KDELR2: variants seen among roughly 807,000 people sequenced by gnomAD.
The protein encoded by KDELR2 is KDEL endoplasmic reticulum protein retention receptor 2.
In KDELR2, 15 loss-of-function variants were observed where a neutral mutation model predicts 23.9. The ratio of observed to expected loss-of-function variants is 0.63; its 90% confidence interval spans 0.42 to 0.97. The LOEUF is 0.97. Ranked by LOEUF, KDELR2 falls within the 50% of genes least tolerant of loss-of-function variation. KDELR2 has a pLI of 0.00. For missense variants in KDELR2, 272 were observed against 254.6 expected, an observed-to-expected ratio of 1.07 and a Z score of -0.46; for synonymous variants, 119 against 106.2, an observed-to-expected ratio of 1.12 and a Z score of -0.74.
At position 6,462,985 on chromosome 7, in the gene KDELR2, C is replaced by T. The variant is rs781112384; in HGVS notation, c.*156G>A. On this transcript the variant is annotated 3_prime_UTR_variant, in exon 5 of 5. Coordinates refer to ENST00000258739, the MANE Select transcript of KDELR2 (RefSeq NM_006854.4). ...GATGCATTAAACAGAAACCTTCTGG[C>T]TCTTTTCCTCTGCGTTTTTACAGAG... is the stretch of plus-strand genomic sequence containing the variant. 9.9e-6 allele frequency: 16 copies of T among 1,613,870 alleles called. No homozygotes were observed. In the East Asian group the frequency reaches 2.7e-4, roughly 27 times the overall value.
At chr7:6,483,170 A>C (rs1785942254) in intron 1 of KDELR2, among the ~76,000 whole-genome samples, 1 of 152,204 alleles carries the variant, frequency 6.6e-6, no homozygotes, top group East Asian at 1.9e-4. Flanking sequence ...CTCACTGGTG[A>C]CGTGGAGCAA....
chr7:6,483,825 T>A (rs1785968384), intron 1 of KDELR2, 142 bp downstream of exon 1: 1 of 530,994 alleles, frequency 1.9e-6, no homozygotes, highest in Admixed American at 4.9e-5. Context: ...GCCCCCCGGG[T>A]CCGGGCACCC....
intron 1 of KDELR2, among the ~76,000 whole-genome samples, chr7:6,481,752 C>A (rs112214111): frequency 2.4e-4 from 36 of 152,032 alleles, no homozygotes; most frequent in African/African-American, 7.7e-4. Context: ...AACAAACAAA[C>A]AAAAAAACTA....
chr7:6,478,726 C>A (rs546902408), intron 1 of KDELR2, among the ~76,000 whole-genome samples: 46 of 152,124 alleles, frequency 3.0e-4, no homozygotes, highest in Non-Finnish European at 5.4e-4. Context: ...TCTCCAGGAC[C>A]GTAGTATGAA....
At chr7:6,463,332 A>C (rs926275957) in intron 4 of KDELR2, among the ~76,000 whole-genome samples, 157 bp from the exon 5 acceptor site, 1 of 152,254 alleles carries the variant, frequency 6.6e-6, no homozygotes, top group Non-Finnish European at 1.5e-5. Flanking sequence ...AATTTGATTG[A>C]AAGTGCCACT....
intron 1 of KDELR2, among the ~76,000 whole-genome samples, chr7:6,480,471 T>A (rs1385152037): frequency 6.6e-6 from 1 of 152,172 alleles, no homozygotes; most frequent in Admixed American, 6.6e-5. Flanking sequence ...CACAAGAGAA[T>A]GCAGCCTCAA....
At position 6,461,866 on chromosome 7, in the gene KDELR2, A is replaced by G. The variant is rs1394323302; in HGVS notation, c.*1275T>C. On this transcript the variant is annotated 3_prime_UTR_variant, in exon 5 of 5. Coordinates refer to ENST00000258739, the MANE Select transcript of KDELR2 (RefSeq NM_006854.4). The stretch of plus-strand genomic sequence containing the variant: ...AATCCATATAATGGCAAAATCAGGA[A>G]AAAAATTCTAGTATTTCCACAAAAT... 6.6e-6 allele frequency: 1 copy of G among 152,140 alleles called. No homozygotes were observed. The highest frequency in any genetic ancestry group is 1.5e-5 in the Non-Finnish European group (1 of 68,024). 9.4% of individuals were successfully genotyped at this position (152,140 alleles called of 1,614,324 possible). A position where few individuals can be genotyped will look rare whatever the true frequency, so the allele number is the denominator to read the frequency against.
At position 6,483,958 on chromosome 7, in the gene KDELR2, G is replaced by T. The variant is rs1196549852; in HGVS notation, c.91+9C>A. Reference sequence around the variant, plus strand: ...CCCGAGCCTCTCCGGGCCTTCCCCCGCCGCTCACCGGCGCAGGAGCGCGTC... The same window carrying T: ...CCCGAGCCTCTCCGGGCCTTCCCCCTCCGCTCACCGGCGCAGGAGCGCGTC... On this transcript the variant is annotated intron_variant, in intron 1 of 4. Transcript: ENST00000258739. 1.3e-6 allele frequency: 2 copies of T among 1,508,582 alleles called. No homozygotes were observed. Among genetic ancestry groups the T allele is most frequent in the East Asian group, 5.7e-5 (2 of 35,126 alleles). 93.4% of individuals were successfully genotyped at this position (1,508,582 alleles called of 1,614,324 possible).
rs145585567 is a variant in KDELR2, at chr7:6,477,719, G to T, written c.92-3435C>A. 5.3e-5 allele frequency among the ~76,000 whole-genome samples: 8 copies of T among 152,296 alleles called. No homozygotes were observed. The East Asian group carries it at 1.5e-3, about 29-fold the overall frequency. The stretch of plus-strand genomic sequence containing the variant: ...TCTGTAGCCCAGGCTGGAGTAGACT[G>T]GTGCAATCATAGCTTCCAGCCTTGA... On this transcript the variant is annotated intron_variant, in intron 1 of 4. Coordinates refer to ENST00000258739, the MANE Select transcript of KDELR2 (RefSeq NM_006854.4).
At chr7:6,479,637 C>T (rs544565096) in intron 1 of KDELR2, among the ~76,000 whole-genome samples, 1 of 152,060 alleles carries the variant, frequency 6.6e-6, no homozygotes, top group Non-Finnish European at 1.5e-5. Flanking sequence ...CCACCATGCC[C>T]GGCTAATTTT....
At chr7:6,473,010 C>A in intron 2 of KDELR2, among the ~76,000 whole-genome samples, 1 of 148,926 alleles carries the variant, frequency 6.7e-6, no homozygotes. Flanking sequence ...AGGGCTCAAG[C>A]GATCCTACCA....
At chr7:6,475,485 T>G (rs1445498540) in intron 1 of KDELR2, among the ~76,000 whole-genome samples, 2 of 152,196 alleles carry the variant, frequency 1.3e-5, no homozygotes, top group Admixed American at 1.3e-4. Context: ...AAAATGTTCC[T>G]GAATGCTAGG....
chr7:6,475,273 A>G (rs1365765135), intron 1 of KDELR2, among the ~76,000 whole-genome samples: 2 of 152,012 alleles, frequency 1.3e-5, no homozygotes, highest in Non-Finnish European at 2.9e-5. Flanking sequence ...AAAAATAGAA[A>G]AGTGATAGCC....
In KDELR2 at chr7:6,474,218, G is replaced by A. The variant is rs1389462054; in HGVS notation, c.158C>T (p.Thr53Ile). 4 of 1,613,460 alleles carry A rather than the reference G, an allele frequency of 2.5e-6. No individual in the cohort carries two copies. The highest frequency in any genetic ancestry group is 4.5e-5 in the East Asian group (2 of 44,884). ...VFTTRYLDLFTSFISLYNTSM... is the reference protein window; with the variant it reads ...VFTTRYLDLFISFISLYNTSM... ...TGTGTTATACAATGAAATAAATGAA[G>A]TAAAAAGATCCAGGTAACGAGTTGT... The change falls in exon 2 of 5, where the codon ACT becomes ATT. Residue 53 changes from threonine to isoleucine, a missense_variant. Coordinates refer to ENST00000258739, the MANE Select transcript of KDELR2 (RefSeq NM_006854.4).
intron 1 of KDELR2, among the ~76,000 whole-genome samples, chr7:6,477,933 TA>T (rs989673482): frequency 2.0e-5 from 3 of 152,162 alleles, no homozygotes; most frequent in Admixed American, 6.5e-5. Context: ...ATGTATCAAT[TA>T]AAAAATTTTA....
intron 3 of KDELR2, among the ~76,000 whole-genome samples, 182 bp downstream of exon 3, chr7:6,469,414 C>T (rs1464869733): frequency 1.3e-5 from 2 of 152,148 alleles, no homozygotes; most frequent in Non-Finnish European, 2.9e-5. Context: ...TGCCACCACA[C>T]CCAGCTAATT....
At chr7:6,477,948 C>T (rs1290301114) in intron 1 of KDELR2, among the ~76,000 whole-genome samples, 13 of 152,052 alleles carry the variant, frequency 8.5e-5, no homozygotes, top group African/African-American at 1.7e-4. Context: ...AATTTTAATC[C>T]GTAACCCCAA....
At chr7:6,478,119 T>C (rs966903809) in intron 1 of KDELR2, among the ~76,000 whole-genome samples, 4 of 151,922 alleles carry the variant, frequency 2.6e-5, no homozygotes, top group Admixed American at 2.0e-4. Flanking sequence ...TCCTACCCAG[T>C]GGTATGTACT....
chr7:6,482,528 A>G, intron 1 of KDELR2: 1 of 469,758 alleles, frequency 2.1e-6, no homozygotes, highest in Non-Finnish European at 4.4e-6. Context: ...AACTGTTCAA[A>G]GGTCTTTTTG....
Sources: allele counts gnomAD v4.1 joint callset (sites outside exome capture counted in the v4.1 genomes callset), GRCh38; gene constraint gnomAD v4.1.1; transcripts MANE v1.5; gene names NCBI Gene and HGNC (gene_info 2026-07-23, HGNC 2026-07-21).